The following ST8SIA1 variants were observed in gnomAD, a reference collection of about 807,000 sequenced individuals.
ST8SIA1 encodes the protein ST8 alpha-N-acetyl-neuraminide alpha-2,8-sialyltransferase 1, also known as alpha-N-acetylneuraminide alpha-2,8-sialyltransferase.
Under a neutral mutation model 35.9 loss-of-function variants are expected in ST8SIA1, and 16 were observed. The ratio of observed to expected loss-of-function variants is 0.45; its 90% CI spans 0.30 to 0.68. ST8SIA1 has a LOEUF of 0.68. Among genes scored for constraint, ST8SIA1 ranks in the 30% least tolerant of loss-of-function variants. The pLI is 0.09. For missense variants in ST8SIA1, 383 were observed against 453.6 expected (o/e 0.84, Z 1.41); for synonymous variants, 170 against 169.6 (o/e 1.00, Z -0.02).
chr12:22,316,727 A>T (rs1240517003), intron 1 of ST8SIA1, among the ~76,000 whole-genome samples: 1 of 152,208 alleles, frequency 6.6e-6, no homozygotes, highest in Non-Finnish European at 1.5e-5. Flanking sequence ...CGTCTACTAC[A>T]TTCCCTTAAC....
intron 1 of ST8SIA1, among the ~76,000 whole-genome samples, chr12:22,297,269 C>A (rs928664682): frequency 6.6e-6 from 1 of 151,056 alleles, no homozygotes; most frequent in Non-Finnish European, 1.5e-5. Context: ...GGAACTGAAC[C>A]AGCAAACATT....
At chr12:22,242,454 A>G (rs1865551414) in intron 4 of ST8SIA1, among the ~76,000 whole-genome samples, 1 of 152,144 alleles carries the variant, frequency 6.6e-6, no homozygotes, top group African/African-American at 2.4e-5. Context: ...AATTCTGACA[A>G]TATATATATT....
At position 22,223,870 on chromosome 12, in the gene ST8SIA1, A is replaced by G. The variant is rs1246062347; in HGVS notation, c.585-21832T>C. The G allele has an allele frequency of 3.9e-6, 4 of 1,033,448 alleles. No individual in the cohort carries two copies. The African/African-American group carries it at 7.0e-5, about 18-fold the overall frequency. The allele number at this position is 1,033,448 out of a possible 1,614,324, so 64.0% of individuals were successfully genotyped here. A position where few individuals can be genotyped will look rare whatever the true frequency, so the allele number is the denominator to read the frequency against. The stretch of plus-strand genomic sequence containing the variant: ...AATGTTTCTAATTGTGCAAAATAAT[A>G]CTTAATTCTGTTATATCTTCTTTTG... On this transcript the variant is annotated intron_variant, in intron 4 of 4. Coordinates refer to ENST00000396037, the MANE Select transcript of ST8SIA1 (RefSeq NM_003034.4).
Position 22,194,729 on chromosome 12 carries a change from A to G in ST8SIA1, c.*6823T>C, listed in dbSNP as rs2160631. 0.76 allele frequency: 115,234 copies of G among 152,088 alleles called. 44,023 individuals are homozygous for G. The highest frequency in any genetic ancestry group is 0.93 in the South Asian group (4,485 of 4,814). 9.4% of individuals were successfully genotyped at this position (152,088 alleles called of 1,614,324 possible). On this transcript the variant is annotated 3_prime_UTR_variant, in exon 5 of 5. Coordinates refer to ENST00000396037, the MANE Select transcript of ST8SIA1 (RefSeq NM_003034.4). The stretch of plus-strand genomic sequence containing the variant: ...TTACTGAAGTAATTGTGGAAGCAGG[A>G]TTAGAACCTCCTGTTCTAACTCTAG...
intron 1 of ST8SIA1, among the ~76,000 whole-genome samples, chr12:22,289,719 G>A (rs1020092172): frequency 2.6e-5 from 4 of 152,124 alleles, no homozygotes; most frequent in Non-Finnish European, 5.9e-5. Flanking sequence ...CTCCAACCAA[G>A]CTGAACTTGC....
intron 4 of ST8SIA1, among the ~76,000 whole-genome samples, chr12:22,241,998 T>C (rs532946982): frequency 1.3e-5 from 2 of 152,330 alleles, no homozygotes; most frequent in Admixed American, 6.5e-5. Flanking sequence ...ATAATTTTTC[T>C]TTTTCTATTT....
At position 22,201,872 on chromosome 12, in the gene ST8SIA1, C is replaced by CA. The variant is rs780427097; in HGVS notation, c.750dup (p.Ala251CysfsTer8). On this transcript the variant is annotated frameshift_variant, in exon 5 of 5. Transcript: ENST00000396037. LOFTEE classifies it high-confidence loss of function. ...ATGCTACGCAGAAAGTTGGGGTTGG[C>CA]AAACAGCACTGTTTGATTGGCACCA... The CA allele has an allele frequency of 6.2e-7, 1 of 1,614,112 alleles. No individual in the cohort carries two copies. The highest frequency in any genetic ancestry group is 1.1e-5 in the South Asian group (1 of 91,080).
chr12:22,325,785 T>C, intron 1 of ST8SIA1: 1 of 679,492 alleles, frequency 1.5e-6, no homozygotes, highest in Non-Finnish European at 2.6e-6. Flanking sequence ...ATAGAACAAT[T>C]ATAACAATAT....
At chr12:22,296,429 T>C (rs550715048) in intron 1 of ST8SIA1, among the ~76,000 whole-genome samples, 1 of 152,268 alleles carries the variant, frequency 6.6e-6, no homozygotes, top group Admixed American at 6.5e-5. Context: ...CTCCTGGACA[T>C]ATTTCTAACA....
chr12:22,238,170 C>G (rs577401085), intron 4 of ST8SIA1, among the ~76,000 whole-genome samples: 232 of 152,158 alleles, frequency 1.5e-3, no homozygotes, highest in African/African-American at 4.9e-3. Context: ...AACTCCCCCC[C>G]CAACAAGAGG....
rs1188764502 is a variant in ST8SIA1, at chr12:22,277,846, G to C, written c.381+9303C>G. On this transcript the variant is annotated intron_variant, in intron 2 of 4. Coordinates refer to ENST00000396037, the MANE Select transcript of ST8SIA1 (RefSeq NM_003034.4). ...CCTGGTGTCCAGCTCAAGTGACTGA[G>C]TAGACGATAGTGTCATTACCTGAGA... 2.0e-5 allele frequency among the ~76,000 whole-genome samples: 3 copies of C among 152,144 alleles called. No homozygotes were observed. The East Asian group carries it at 5.8e-4, about 29-fold the overall frequency.
chr12:22,210,871 A>C (rs1865168781), intron 4 of ST8SIA1, among the ~76,000 whole-genome samples: 1 of 152,172 alleles, frequency 6.6e-6, no homozygotes, highest in Non-Finnish European at 1.5e-5. Context: ...CCAATCACCA[A>C]GTTTCAGCCA....
intron 1 of ST8SIA1, among the ~76,000 whole-genome samples, chr12:22,323,990 T>C (rs1387781363): frequency 6.6e-6 from 1 of 151,796 alleles, no homozygotes; most frequent in Non-Finnish European, 1.5e-5. Context: ...ATACTGCACA[T>C]GTACCCCTGA....
chr12:22,289,001 C>T (rs1866141515), intron 1 of ST8SIA1, among the ~76,000 whole-genome samples: 1 of 152,154 alleles, frequency 6.6e-6, no homozygotes, highest in African/African-American at 2.4e-5. Flanking sequence ...CTGCCTCAGC[C>T]TCTCAAATGG....
chr12:22,284,949 G>A (rs1044442973), intron 2 of ST8SIA1, among the ~76,000 whole-genome samples: 29 of 152,118 alleles, frequency 1.9e-4, no homozygotes, highest in Admixed American at 1.8e-3. Context: ...AGCTACTTTG[G>A]ATTTCATTTA....
At chr12:22,220,229 C>T (rs979445551) in intron 4 of ST8SIA1, among the ~76,000 whole-genome samples, 6 of 152,162 alleles carry the variant, frequency 3.9e-5, no homozygotes, top group African/African-American at 1.4e-4. Flanking sequence ...TCAAATACTA[C>T]AGTGAGTGAA....
intron 4 of ST8SIA1, among the ~76,000 whole-genome samples, chr12:22,206,906 C>A (rs1461042922): frequency 2.0e-5 from 3 of 152,184 alleles, no homozygotes; most frequent in African/African-American, 7.2e-5. Flanking sequence ...ATGGCTACCA[C>A]ATCTGGGCTA....
Position 22,333,826 on chromosome 12 carries a change from G to A in ST8SIA1, c.236+171C>T, listed in dbSNP as rs377697162. Reference sequence around the variant, plus strand: ...GGATCAGGGGTGGGGAAGGAACCCTGACTAAAGTCTCCAGGTTGGGAATGG... The same window carrying A: ...GGATCAGGGGTGGGGAAGGAACCCTAACTAAAGTCTCCAGGTTGGGAATGG... On this transcript the variant is annotated intron_variant, in intron 1 of 4. Transcript: ENST00000396037. 566 of 785,654 alleles carry A rather than the reference G, an allele frequency of 7.2e-4. 2 individuals are homozygous for A. Among genetic ancestry groups the A allele is most frequent in the Non-Finnish European group, 1.2e-3 (510 of 437,370 alleles). 48.7% of individuals were successfully genotyped at this position (785,654 alleles called of 1,614,324 possible).
intron 1 of ST8SIA1, among the ~76,000 whole-genome samples, chr12:22,288,511 C>A (rs1008001469): frequency 6.6e-5 from 10 of 152,184 alleles, no homozygotes; most frequent in African/African-American, 2.2e-4. Context: ...AGGAATCAGC[C>A]TAGTCAGTAA....
Sources: allele counts gnomAD v4.1 joint callset (sites outside exome capture counted in the v4.1 genomes callset), GRCh38; gene constraint gnomAD v4.1.1; transcripts MANE v1.5; gene names NCBI Gene and HGNC (gene_info 2026-07-23, HGNC 2026-07-21).